PCDHGA3: variants seen among roughly 807,000 people sequenced by gnomAD.
The protein encoded by PCDHGA3 is protocadherin gamma subfamily A, 3.
A neutral mutation model predicts 58.5 loss-of-function variants in PCDHGA3; 40 were observed. That is an observed-to-expected ratio of 0.68 (90% confidence interval 0.53 to 0.89). The LOEUF (loss-of-function observed/expected upper bound fraction) is 0.89, where lower values mean the gene tolerates loss of function less well. PCDHGA3 is among the 40% of genes least tolerant of loss of function. PCDHGA3 has a pLI of 0.00. For synonymous variants in PCDHGA3, 530 were observed against 525.7 expected (o/e 1.01, Z -0.11); for missense variants, 1,223 against 1,195.9 (o/e 1.02, Z -0.33).
In PCDHGA3 at chr5:141,370,640, G is replaced by A. The variant is rs1411940178; in HGVS notation, c.2424+24183G>A. 4.3e-6 allele frequency: 7 copies of A among 1,613,966 alleles called. No homozygotes were observed. In the East Asian group the frequency reaches 1.6e-4, roughly 36 times the overall value. On this transcript the variant is annotated intron_variant, in intron 1 of 3. Transcript: ENST00000253812. The stretch of plus-strand genomic sequence containing the variant: ...TCTTTACCGTGAGCCCCGAAAATGG[G>A]AACTTACTTGTGAGCGACCGTATAG...
At chr5:141,423,485 C>T (rs752918607) in intron 1 of PCDHGA3, 30 of 1,613,840 alleles carry the variant, frequency 1.9e-5, no homozygotes, top group Non-Finnish European at 2.2e-5. Context: ...TTCCTGCAAA[C>T]CTATTCCCAC....
chr5:141,402,357 G>C (rs1486286220), intron 1 of PCDHGA3, among the ~76,000 whole-genome samples: 1 of 151,812 alleles, frequency 6.6e-6, no homozygotes, highest in Non-Finnish European at 1.5e-5. Flanking sequence ...AAAAATGAAT[G>C]TACTTCCAAA....
chr5:141,439,445 G>T (rs1030957687), intron 1 of PCDHGA3, among the ~76,000 whole-genome samples: 1 of 152,102 alleles, frequency 6.6e-6, no homozygotes, highest in Non-Finnish European at 1.5e-5. Context: ...ATTTTATTGC[G>T]GGAGCAAGAC....
intron 1 of PCDHGA3, chr5:141,419,895 C>G (rs1209315374): frequency 6.2e-7 from 1 of 1,613,916 alleles, no homozygotes; most frequent in Non-Finnish European, 8.5e-7. Context: ...AGCGACCATC[C>G]CACACCCTCT....
intron 1 of PCDHGA3, chr5:141,365,086 A>G: frequency 6.2e-7 from 1 of 1,613,892 alleles, no homozygotes; most frequent in Non-Finnish European, 8.5e-7. Context: ...TGAGTGTTCC[A>G]GAGAACATAC....
intron 1 of PCDHGA3, chr5:141,360,108 T>C (rs376839446): frequency 6.4e-7 from 1 of 1,555,128 alleles, no homozygotes; most frequent in Non-Finnish European, 8.7e-7. Flanking sequence ...ATTCCTCCTA[T>C]GGGCAAAGGA....
rs760747309 is a variant in PCDHGA3, at chr5:141,477,613, A to G, written c.2425-17194A>G. 1.2e-6 allele frequency: 2 copies of G among 1,614,210 alleles called. No individual in the cohort carries two copies. Among genetic ancestry groups the G allele is most frequent in the Non-Finnish European group, 8.5e-7 (1 of 1,180,044 alleles). ...GGCTTTCTTTCTTTCTCTTGGAGCA[A>G]GGAGCTGAAACCGGGCTAGTGGGTC... On this transcript the variant is annotated intron_variant, in intron 1 of 3. Coordinates refer to ENST00000253812, the MANE Select transcript of PCDHGA3 (RefSeq NM_018916.4). This position sits in a 1 kb window ranked among gnomAD's most constrained non-coding sequence, Gnocchi z 4.9.
intron 1 of PCDHGA3, among the ~76,000 whole-genome samples, chr5:141,453,827 C>T (rs2098775483): frequency 6.6e-6 from 1 of 152,320 alleles, no homozygotes; most frequent in South Asian, 2.1e-4. Flanking sequence ...AACTTGGCTG[C>T]TAGCCCTTCA....
chr5:141,393,071 C>T (rs927273885), intron 1 of PCDHGA3: 3 of 1,613,680 alleles, frequency 1.9e-6, no homozygotes, highest in Non-Finnish European at 2.5e-6. Context: ...GCTTGATCAC[C>T]GCGGGCAGGA....
intron 1 of PCDHGA3, among the ~76,000 whole-genome samples, chr5:141,462,442 A>C (rs890167032): frequency 1.3e-5 from 2 of 152,150 alleles, no homozygotes; most frequent in African/African-American, 4.8e-5. Context: ...GCTTACACAC[A>C]ACTGTGTAAC....
chr5:141,358,643 A>G (rs1291324695), intron 1 of PCDHGA3, among the ~76,000 whole-genome samples: 1 of 152,082 alleles, frequency 6.6e-6, no homozygotes, highest in Non-Finnish European at 1.5e-5. Context: ...ATATATAAGT[A>G]GATTCTAGGA....
intron 1 of PCDHGA3, chr5:141,441,447 C>T: frequency 6.2e-6 from 1 of 161,550 alleles, no homozygotes. Flanking sequence ...CCAGCCCAAG[C>T]ATCACCCTAC....
At position 141,485,685 on chromosome 5, in the gene PCDHGA3, G is replaced by A; in HGVS notation, c.2425-9122G>A. ...GGGAGCAATTCGATTAGCAGCTATA[G>A]GCTGAGCTCCAATGAACACTTTGCA... On this transcript the variant is annotated intron_variant, in intron 1 of 3. Coordinates refer to ENST00000253812, the MANE Select transcript of PCDHGA3 (RefSeq NM_018916.4). This position sits in a 1 kb window ranked among gnomAD's most constrained non-coding sequence, Gnocchi z 5.7. 1.2e-6 allele frequency: 2 copies of A among 1,614,052 alleles called. No homozygotes were observed. The highest frequency in any genetic ancestry group is 1.3e-5 in the African/African-American group (1 of 75,072).
chr5:141,394,194 A>C (rs919478906), intron 1 of PCDHGA3: 3 of 1,613,842 alleles, frequency 1.9e-6, no homozygotes, highest in Non-Finnish European at 2.5e-6. Flanking sequence ...CTCAGCGTAT[A>C]TCCTAGAGAA....
intron 1 of PCDHGA3, chr5:141,350,603 C>T: frequency 6.2e-7 from 1 of 1,614,000 alleles, no homozygotes; most frequent in Non-Finnish European, 8.5e-7. Flanking sequence ...GAATGTTTTC[C>T]ACGTGGTTGT....
chr5:141,381,702 C>CT (rs1561588740), intron 1 of PCDHGA3, among the ~76,000 whole-genome samples: 1 of 151,968 alleles, frequency 6.6e-6, no homozygotes, highest in Admixed American at 6.6e-5. Flanking sequence ...CGATTTCTTT[C>CT]TTTTTTTCTC....
At chr5:141,361,796 A>G (rs1762187371) in intron 1 of PCDHGA3, 3 of 1,613,122 alleles carry the variant, frequency 1.9e-6, no homozygotes, top group Middle Eastern at 3.3e-4. Flanking sequence ...TTAGTGGGCG[A>G]CCTCAATGAC....
chr5:141,483,435 A>G (rs2099581280), intron 1 of PCDHGA3, among the ~76,000 whole-genome samples: 1 of 152,180 alleles, frequency 6.6e-6, no homozygotes, highest in Admixed American at 6.5e-5. Context: ...GGAGCTGACT[A>G]CAATAAAATC....
At chr5:141,384,823 C>T (rs1780554130) in intron 1 of PCDHGA3, 1 of 1,613,490 alleles carries the variant, frequency 6.2e-7, no homozygotes, top group South Asian at 1.1e-5. Flanking sequence ...CAAGCAGAGC[C>T]TCGTGGTGGC....
Sources: allele counts gnomAD v4.1 joint callset (sites outside exome capture counted in the v4.1 genomes callset), GRCh38; gene constraint gnomAD v4.1.1; non-coding constraint Gnocchi (gnomAD v3.1); transcripts MANE v1.5; gene names NCBI Gene and HGNC (gene_info 2026-07-23, HGNC 2026-07-21).